Variants in RIN2 observed in about 807,000 individuals in gnomAD.
RIN2 encodes the protein RAB5 interacting protein 2.
Under a neutral mutation model 78.0 loss-of-function variants are expected in RIN2, and 36 were observed. That is an observed-to-expected ratio of 0.46 (90% CI 0.35 to 0.61). The LOEUF (loss-of-function observed/expected upper bound fraction) is 0.61, where lower values mean the gene tolerates loss of function less well. Ranked by LOEUF, RIN2 falls within the 20% of genes least tolerant of loss-of-function variation. The pLI, the probability that RIN2 is intolerant of heterozygous loss-of-function variation, is 0.00. For missense variants in RIN2, 1,087 were observed against 1,159.7 expected (o/e 0.94, Z 0.91); for synonymous variants, 466 against 466.8 (o/e 1.00, Z 0.02).
At chr20:19,924,448 TC>T (rs2040111423) in intron 3 of RIN2, among the ~76,000 whole-genome samples, 1 of 2,628 alleles carries the variant, frequency 3.8e-4, no homozygotes, top group Non-Finnish European at 6.8e-4. Flanking sequence ...CTTCATACCC[TC>T]ACCTTCATAC....
At chr20:19,771,338 T>G (rs901650895) in intron 1 of RIN2, among the ~76,000 whole-genome samples, 4 of 152,190 alleles carry the variant, frequency 2.6e-5, no homozygotes, top group Non-Finnish European at 4.4e-5. Flanking sequence ...ATTCTAAGGA[T>G]TTTTGGAGTT....
At chr20:19,906,725 T>G (rs911380) in intron 3 of RIN2, among the ~76,000 whole-genome samples, 105,806 of 152,038 alleles carry the variant, frequency 0.7, 37,503 homozygotes, top group East Asian at 0.96. Flanking sequence ...ATTTTTTTGT[T>G]TAAGTCTCCT....
At chr20:19,799,139 G>A (rs1199468217) in intron 1 of RIN2, among the ~76,000 whole-genome samples, 3 of 152,188 alleles carry the variant, frequency 2.0e-5, no homozygotes, top group East Asian at 3.9e-4. Flanking sequence ...GAGCCCAAGC[G>A]ATCCACCCAC....
intron 7 of RIN2, among the ~76,000 whole-genome samples, chr20:19,966,879 G>C (rs1297252094): frequency 6.6e-6 from 1 of 151,706 alleles, no homozygotes; most frequent in Non-Finnish European, 1.5e-5. Context: ...AAGAGAGGAG[G>C]CTGGTGCAGA....
intron 2 of RIN2, among the ~76,000 whole-genome samples, chr20:19,845,689 C>G (rs893917579): frequency 1.3e-5 from 2 of 151,830 alleles, no homozygotes; most frequent in African/African-American, 2.4e-5. Flanking sequence ...CCTGTTCACT[C>G]TGATGATAGT....
At chr20:19,954,139 G>A (rs562507041) in intron 4 of RIN2, among the ~76,000 whole-genome samples, 8 of 152,210 alleles carry the variant, frequency 5.3e-5, no homozygotes, top group Non-Finnish European at 8.8e-5. Flanking sequence ...AAAAATGATC[G>A]GCATAGGTTG....
intron 2 of RIN2, among the ~76,000 whole-genome samples, chr20:19,804,913 C>T (rs972132476): frequency 6.6e-6 from 1 of 151,954 alleles, no homozygotes; most frequent in Non-Finnish European, 1.5e-5. Flanking sequence ...CTCAAAATTT[C>T]AGAACTTGTT....
At chr20:19,806,530 C>T (rs987764424) in intron 2 of RIN2, among the ~76,000 whole-genome samples, 2 of 152,168 alleles carry the variant, frequency 1.3e-5, no homozygotes, top group African/African-American at 4.8e-5. Flanking sequence ...TAAACTATTC[C>T]CCCTGGCTTC....
At chr20:19,900,310 C>A (rs2038922625) in intron 3 of RIN2, among the ~76,000 whole-genome samples, 2 of 151,560 alleles carry the variant, frequency 1.3e-5, no homozygotes, top group East Asian at 2.0e-4. Context: ...ATGGTGAAAC[C>A]CTGACTCTAC....
At position 19,901,574 on chromosome 20, in the gene RIN2, CTG is replaced by C. The variant is rs1178955888; in HGVS notation, c.57+11917_57+11918del. 3.4e-3 allele frequency among the ~76,000 whole-genome samples: 523 copies of C among 152,336 alleles called. 3 individuals are homozygous for C. Among genetic ancestry groups the C allele is most frequent in the Middle Eastern group, 0.014 (4 of 294 alleles). ...ACTCAAACTCCGTTGTTGGTATACA[CTG>C]CCATTAGCCAAAGGAACAAATGATC... is the stretch of plus-strand genomic sequence containing the variant. On this transcript the variant is annotated intron_variant, in intron 3 of 12. Transcript: ENST00000255006.
At chr20:19,917,996 A>C (rs1003959946) in intron 3 of RIN2, among the ~76,000 whole-genome samples, 1 of 152,254 alleles carries the variant, frequency 6.6e-6, no homozygotes, top group African/African-American at 2.4e-5. Flanking sequence ...ATGTTGATAT[A>C]CACATTCAGA....
intron 1 of RIN2, among the ~76,000 whole-genome samples, chr20:19,767,645 C>A (rs1403086172): frequency 6.6e-6 from 1 of 152,016 alleles, no homozygotes; most frequent in Non-Finnish European, 1.5e-5. Context: ...GGCTCCTGGC[C>A]AGGCGTGGTG....
intron 1 of RIN2, among the ~76,000 whole-genome samples, chr20:19,766,801 A>G (rs951538110): frequency 1.3e-5 from 2 of 151,736 alleles, no homozygotes; most frequent in Admixed American, 6.6e-5. Flanking sequence ...CGCACCTGCT[A>G]CTCGGGAGAT....
At chr20:19,793,754 A>G (rs1227521390) in intron 1 of RIN2, among the ~76,000 whole-genome samples, 2 of 152,236 alleles carry the variant, frequency 1.3e-5, no homozygotes, top group African/African-American at 4.8e-5. Context: ...AATGTTTTTA[A>G]CACTTTCTAA....
chr20:19,789,161 G>T (rs1285527946), intron 1 of RIN2, among the ~76,000 whole-genome samples: 3 of 152,148 alleles, frequency 2.0e-5, no homozygotes, highest in South Asian at 4.2e-4. Context: ...CAATTAAGCG[G>T]GTGTGGAGGC....
At chr20:19,874,092 G>A (rs2037782321) in intron 2 of RIN2, among the ~76,000 whole-genome samples, 2 of 151,964 alleles carry the variant, frequency 1.3e-5, no homozygotes, top group Admixed American at 6.6e-5. Flanking sequence ...GTGTTTGTGT[G>A]TGTTGGTTAT....
At chr20:19,946,121 AG>A (rs1271867145) in intron 4 of RIN2, among the ~76,000 whole-genome samples, 5 of 152,216 alleles carry the variant, frequency 3.3e-5, no homozygotes, top group Non-Finnish European at 7.3e-5. Flanking sequence ...TGCCTAAAGC[AG>A]ACCTTTTATT....
chr20:19,895,916 TG>T (rs1010997901), intron 3 of RIN2: 22 of 152,356 alleles, frequency 1.4e-4, no homozygotes, highest in African/African-American at 5.3e-4. Context: ...GGTCTCTTCT[TG>T]GCATTTGAAA....
intron 3 of RIN2, among the ~76,000 whole-genome samples, chr20:19,906,509 G>T (rs1342999933): frequency 6.6e-6 from 1 of 152,182 alleles, no homozygotes; most frequent in East Asian, 1.9e-4. Context: ...GATGCTTACA[G>T]GGGCCAGGAA....
Sources: allele counts gnomAD v4.1 joint callset (sites outside exome capture counted in the v4.1 genomes callset), GRCh38; gene constraint gnomAD v4.1.1; transcripts MANE v1.5; gene names NCBI Gene and HGNC (gene_info 2026-07-23, HGNC 2026-07-21).